MGAT5: variants seen among roughly 807,000 people sequenced by gnomAD.
MGAT5 encodes the protein alpha-1,6-mannosylglycoprotein 6-beta-N-acetylglucosaminyltransferase A.
MGAT5 carries 30 observed loss-of-function variants against 94.3 expected under a neutral mutation model. That is an observed-to-expected ratio of 0.32 (90% CI 0.24 to 0.43). The LOEUF (loss-of-function observed/expected upper bound fraction) is 0.43, where lower values mean the gene tolerates loss of function less well. MGAT5 is among the 20% of genes least tolerant of loss of function. The pLI, the probability that MGAT5 is intolerant of heterozygous loss-of-function variation, is 1.00. For missense variants in MGAT5, 691 were observed against 905.5 expected, an observed-to-expected ratio of 0.76 and a Z score of 3.04; for synonymous variants, 310 against 322.9, an observed-to-expected ratio of 0.96 and a Z score of 0.43.
intron 1 of MGAT5, among the ~76,000 whole-genome samples, chr2:134,192,652 C>T (rs1334650117): frequency 1.3e-5 from 2 of 152,042 alleles, no homozygotes; most frequent in South Asian, 4.2e-4. Flanking sequence ...TATTGCATTA[C>T]TTTTTAAAAT....
chr2:134,194,665 G>A (rs1287679949), intron 1 of MGAT5, among the ~76,000 whole-genome samples: 1 of 152,062 alleles, frequency 6.6e-6, no homozygotes, highest in African/African-American at 2.4e-5. Context: ...CCCCCGGGAG[G>A]TCTAGATACT....
At chr2:134,329,238 A>G (rs2105945135) in intron 4 of MGAT5, among the ~76,000 whole-genome samples, 1 of 152,216 alleles carries the variant, frequency 6.6e-6, no homozygotes, top group Admixed American at 6.5e-5. Context: ...CAAACAGTGT[A>G]GGAGTTGAAG....
chr2:134,141,950 C>T (rs768568974), intron 1 of MGAT5, among the ~76,000 whole-genome samples: 1 of 152,152 alleles, frequency 6.6e-6, no homozygotes, highest in Non-Finnish European at 1.5e-5. Context: ...ATGGTCTGTT[C>T]TGCTTGCAGT....
intron 1 of MGAT5, among the ~76,000 whole-genome samples, chr2:134,188,669 G>A (rs1344241293): frequency 2.0e-5 from 3 of 152,194 alleles, no homozygotes; most frequent in Non-Finnish European, 4.4e-5. Context: ...GAAAAAGGAG[G>A]TGGTGGGGGT....
At chr2:134,331,948 C>T (rs987560194) in intron 4 of MGAT5, among the ~76,000 whole-genome samples, 3 of 151,432 alleles carry the variant, frequency 2.0e-5, no homozygotes, top group Non-Finnish European at 4.4e-5. Context: ...ATTCCATGCT[C>T]ATGGGTAGGA....
At chr2:134,376,099 G>A (rs961637750) in intron 10 of MGAT5, among the ~76,000 whole-genome samples, 4 of 152,196 alleles carry the variant, frequency 2.6e-5, no homozygotes, top group African/African-American at 7.2e-5. Context: ...CAGGCCTCCA[G>A]ATGGTGCCAG....
At chr2:134,188,553 A>G (rs150586820) in intron 1 of MGAT5, among the ~76,000 whole-genome samples, 1 of 152,368 alleles carries the variant, frequency 6.6e-6, no homozygotes. Flanking sequence ...TGTTACTAAA[A>G]GGAAGAAGAT....
intron 1 of MGAT5, among the ~76,000 whole-genome samples, chr2:134,238,305 A>G (rs1681774315): frequency 6.6e-6 from 1 of 152,202 alleles, no homozygotes; most frequent in Non-Finnish European, 1.5e-5. Flanking sequence ...TAAGCATTGG[A>G]AGAGAGAAAG....
intron 10 of MGAT5, among the ~76,000 whole-genome samples, chr2:134,399,084 A>G (rs1682882208): frequency 6.6e-6 from 1 of 152,242 alleles, no homozygotes; most frequent in Non-Finnish European, 1.5e-5. Flanking sequence ...CAAAACAAAG[A>G]AATGATAAAT....
In MGAT5 at chr2:134,449,038, A is replaced by T; in HGVS notation, c.*191A>T. 2 of 604,900 alleles carry T rather than the reference A, an allele frequency of 3.3e-6. No homozygotes were observed. Among genetic ancestry groups the T allele is most frequent in the Non-Finnish European group, 5.8e-6 (2 of 342,770 alleles). 37.5% of individuals were successfully genotyped at this position (604,900 alleles called of 1,614,324 possible). On this transcript the variant is annotated 3_prime_UTR_variant, in exon 16 of 16. Coordinates refer to ENST00000281923, the MANE Select transcript of MGAT5 (RefSeq NM_002410.5). ...GTGGAGTCTTCACCAAAACAAAACA[A>T]GAGCGTATGTCAGGCCAGGAGCCTG...
chr2:134,136,854 G>T (rs1211026341), intron 1 of MGAT5, among the ~76,000 whole-genome samples: 1 of 152,156 alleles, frequency 6.6e-6, no homozygotes, highest in African/African-American at 2.4e-5. Context: ...CGTTTGTAGA[G>T]TGGGTGTGGG....
intron 1 of MGAT5, among the ~76,000 whole-genome samples, chr2:134,234,022 A>G (rs1681505207): frequency 1.3e-5 from 2 of 152,246 alleles, no homozygotes; most frequent in Non-Finnish European, 2.9e-5. Context: ...TGGAGAAATC[A>G]GAACGCTAGA....
At chr2:134,401,818 AGTTTTCCCAG>A (rs140117065) in intron 10 of MGAT5, among the ~76,000 whole-genome samples, 1,881 of 152,300 alleles carry the variant, frequency 0.012, 21 homozygotes, top group Non-Finnish European at 0.021. Flanking sequence ...TGGACTGTGC[AGTTTTCCCAG>A]TCATGAAGAC....
chr2:134,344,880 A>C (rs1199847777), intron 7 of MGAT5, 50 bp from the exon 8 acceptor site: 1 of 1,587,650 alleles, frequency 6.3e-7, no homozygotes, highest in Non-Finnish European at 8.6e-7. Context: ...TTACCTTTTA[A>C]GTAAATGATT....
intron 2 of MGAT5, among the ~76,000 whole-genome samples, chr2:134,282,990 C>T (rs1483742177): frequency 1.5e-5 from 2 of 132,182 alleles, no homozygotes; most frequent in African/African-American, 2.9e-5. Flanking sequence ...AAACCAAAAC[C>T]GAAAAAAAAA....
chr2:134,184,014 C>G (rs555242955), intron 1 of MGAT5, among the ~76,000 whole-genome samples: 1 of 152,252 alleles, frequency 6.6e-6, no homozygotes, highest in Admixed American at 6.5e-5. Flanking sequence ...TCTGTGAAAG[C>G]CTTTCTCTTT....
intron 1 of MGAT5, among the ~76,000 whole-genome samples, chr2:134,170,969 C>T (rs1283426522): frequency 6.6e-6 from 1 of 151,672 alleles, no homozygotes; most frequent in Non-Finnish European, 1.5e-5. Flanking sequence ...AGTGATTTCT[C>T]ATGCCTCAGC....
chr2:134,387,187 G>A (rs1475903897), intron 10 of MGAT5, among the ~76,000 whole-genome samples: 2 of 151,294 alleles, frequency 1.3e-5, no homozygotes, highest in South Asian at 2.1e-4. Context: ...CTTGAACCCG[G>A]GAGGTGGAGG....
At chr2:134,399,023 C>T (rs550616952) in intron 10 of MGAT5, among the ~76,000 whole-genome samples, 38 of 152,202 alleles carry the variant, frequency 2.5e-4, no homozygotes, top group South Asian at 1.0e-3. Flanking sequence ...TAGTTACCAA[C>T]AGTATATTGT....
Sources: gnomAD v4.1 joint callset for allele counts (sites outside exome capture counted in the v4.1 genomes callset) on GRCh38, gnomAD v4.1.1 for gene constraint, MANE v1.5 for transcripts, NCBI Gene and HGNC (gene_info 2026-07-23, HGNC 2026-07-21) for gene names.